The following GPHN variants were observed in gnomAD, a reference collection of about 807,000 sequenced individuals.
GPHN encodes gephyrin.
A neutral mutation model predicts 95.5 loss-of-function variants in GPHN; 17 were observed. The observed-to-expected ratio is 0.18, with a 90% CI of 0.12 to 0.27. The LOEUF (loss-of-function observed/expected upper bound fraction) is 0.27, where lower values mean the gene tolerates loss of function less well. Among genes scored for constraint, GPHN ranks in the 10% least tolerant of loss-of-function variants. The pLI, the probability that GPHN is intolerant of heterozygous loss-of-function variation, is 1.00. For synonymous variants in GPHN, 320 were observed against 322.5 expected, an observed-to-expected ratio of 0.99 and a Z score of 0.08; for missense variants, 660 against 978.1, an observed-to-expected ratio of 0.67 and a Z score of 4.34.
chr14:67,376,129 G>T, the GPHN span, among the ~76,000 whole-genome samples: 1 of 149,312 alleles, frequency 6.7e-6, no homozygotes, highest in South Asian at 2.1e-4. Context: ...TCCATTTATA[G>T]TGTGTGGTTT....
chr14:67,435,086 C>T, the GPHN span, among the ~76,000 whole-genome samples: 4 of 151,824 alleles, frequency 2.6e-5, no homozygotes, highest in Admixed American at 2.6e-4. Context: ...TCTGCCTCAG[C>T]CTCCTAAGTA....
the GPHN span, among the ~76,000 whole-genome samples, chr14:67,343,777 G>A: frequency 6.6e-6 from 1 of 152,186 alleles, no homozygotes. Flanking sequence ...ATCTGTGATG[G>A]GAGGATCGTT....
At position 67,179,606 on chromosome 14, in the gene GPHN, G is replaced by A; in HGVS notation, c.2108G>A (p.Arg703His). ...RLSCDVKLDP[R>H]PEYHRCILTW... ...TCATGTGATGTAAAACTTGATCCTC[G>A]TCCAGAATACCATCGGTGTATACTA... is the stretch of plus-strand genomic sequence containing the variant. Residue 703 changes from arginine to histidine, a missense_variant, in exon 22 of 23, where the codon CGT (arginine) becomes CAT (histidine). Around this residue, in one of 6 missense-constraint regions of GPHN, gnomAD observed 48 missense variants for 137.4 expected, o/e 0.35. Coordinates refer to ENST00000478722, the MANE Select transcript of GPHN (RefSeq NM_020806.5). 2 of 1,606,874 alleles carry A rather than the reference G, an allele frequency of 1.2e-6. No homozygotes were observed. Among genetic ancestry groups the A allele is most frequent in the Non-Finnish European group, 8.5e-7 (1 of 1,173,798 alleles).
At chr14:66,861,799 C>A (rs1044646213) in intron 4 of GPHN, among the ~76,000 whole-genome samples, 1 of 151,760 alleles carries the variant, frequency 6.6e-6, no homozygotes, top group Admixed American at 6.6e-5. Flanking sequence ...AACAAATGAC[C>A]AAATATGCCA....
At chr14:67,625,544 G>A in the GPHN span, among the ~76,000 whole-genome samples, 1 of 151,904 alleles carries the variant, frequency 6.6e-6, no homozygotes, top group South Asian at 2.1e-4. Flanking sequence ...GCCGGGCATG[G>A]TGGTGCATGC....
chr14:67,656,458 C>T, the GPHN span: 1 of 1,613,670 alleles, frequency 6.2e-7, no homozygotes, highest in Admixed American at 1.7e-5. Flanking sequence ...GTTCCCCCAG[C>T]TCTTCTATGA....
chr14:67,318,983 G>A, the GPHN span, among the ~76,000 whole-genome samples: 4 of 152,014 alleles, frequency 2.6e-5, no homozygotes, highest in Admixed American at 6.6e-5. Context: ...GCGTGAACCC[G>A]GGAGGCGGAG....
the GPHN span, chr14:67,390,677 A>G: frequency 9.3e-6 from 15 of 1,612,072 alleles, no homozygotes; most frequent in Admixed American, 1.7e-5. Context: ...GAAGGGTCAT[A>G]GTAATGCAGG....
At chr14:66,775,161 G>T (rs999350133) in intron 2 of GPHN, among the ~76,000 whole-genome samples, 10 of 151,816 alleles carry the variant, frequency 6.6e-5, no homozygotes, top group Non-Finnish European at 1.0e-4. Context: ...ATTTGGTTGG[G>T]TATCTTTTTT....
chr14:66,579,633 G>C (rs1318497458), intron 1 of GPHN, among the ~76,000 whole-genome samples: 1 of 151,718 alleles, frequency 6.6e-6, no homozygotes, highest in African/African-American at 2.4e-5. Flanking sequence ...TGATAAAAGT[G>C]TTGGTTAATC....
rs2079354223 is a variant in GPHN at position 67,126,897 on chromosome 14, C to T, written c.1748+4520C>T. On this transcript the variant is annotated intron_variant, in intron 17 of 22. Transcript: ENST00000478722. ...TTAAGAAAATGTGGCACATATACAC[C>T]ATGGAATACTATGCAGCCATAAAAA... Among the ~76,000 whole-genome samples, 8 of 151,746 alleles carry T rather than the reference C, an allele frequency of 5.3e-5. No homozygotes were observed. In the South Asian group the frequency reaches 8.3e-4, roughly 16 times the overall value.
the GPHN span, chr14:67,576,591 C>G: frequency 2.9e-6 from 2 of 683,364 alleles, no homozygotes; most frequent in South Asian, 1.8e-5. The surrounding 1 kb of genome is among the most constrained non-coding windows in gnomAD (Gnocchi z 4.0). Flanking sequence ...CAGTGTTGTA[C>G]CCTGAAGCTG....
chr14:66,981,682 A>C (rs1159221418), intron 9 of GPHN, among the ~76,000 whole-genome samples: 1 of 152,192 alleles, frequency 6.6e-6, no homozygotes, highest in African/African-American at 2.4e-5. Flanking sequence ...ACTAGATCTA[A>C]AAATAAAATG....
the GPHN span, among the ~76,000 whole-genome samples, chr14:67,421,663 A>T: frequency 1.3e-5 from 2 of 152,180 alleles, no homozygotes; most frequent in African/African-American, 4.8e-5. Context: ...CTAGCCATTA[A>T]CTCACCTGTT....
the GPHN span, among the ~76,000 whole-genome samples, chr14:67,682,338 G>A: frequency 1.3e-5 from 2 of 152,174 alleles, no homozygotes; most frequent in East Asian, 3.8e-4. Context: ...CACAGAATGA[G>A]AGAATATTTG....
At chr14:67,570,308 G>C in the GPHN span, 3 of 979,026 alleles carry the variant, frequency 3.1e-6, no homozygotes, top group Non-Finnish European at 3.6e-6. Context: ...AGGTCCCAGA[G>C]GGCAGTGGGG....
At chr14:66,796,215 A>T (rs2060151632) in intron 3 of GPHN, among the ~76,000 whole-genome samples, 1 of 152,090 alleles carries the variant, frequency 6.6e-6, no homozygotes, top group Non-Finnish European at 1.5e-5. Context: ...GAACCACATT[A>T]TCTATTAATC....
chr14:67,358,180 G>A, the GPHN span, among the ~76,000 whole-genome samples: 1 of 152,158 alleles, frequency 6.6e-6, no homozygotes, highest in African/African-American at 2.4e-5. Context: ...ATGTCTTTCA[G>A]TGCAGAAGTT....
At chr14:67,663,814 G>A in the GPHN span, among the ~76,000 whole-genome samples, 1 of 151,996 alleles carries the variant, frequency 6.6e-6, no homozygotes, top group Non-Finnish European at 1.5e-5. Context: ...ACCTTTTCTG[G>A]TTAGTCAGCG....
Sources: allele counts gnomAD v4.1 joint callset (sites outside exome capture counted in the v4.1 genomes callset), GRCh38; gene constraint gnomAD v4.1.1; regional missense constraint gnomAD v4.1.1; non-coding constraint Gnocchi (gnomAD v3.1); transcripts MANE v1.5; gene names NCBI Gene and HGNC (gene_info 2026-07-23, HGNC 2026-07-21).